The following CSMD3 variants were observed in gnomAD, a reference collection of about 807,000 sequenced individuals.
The protein encoded by CSMD3 is CUB and Sushi multiple domains 3, also known as CUB and sushi domain-containing protein 3.
In CSMD3, 177 loss-of-function variants were observed where a neutral mutation model predicts 435.2. The observed-to-expected ratio is 0.41, with a 90% confidence interval of 0.36 to 0.46. The LOEUF (loss-of-function observed/expected upper bound fraction) is 0.46, where lower values mean the gene tolerates loss of function less well. CSMD3 is among the 20% of genes least tolerant of loss of function. The pLI is 0.34. For synonymous variants in CSMD3, 1,656 were observed against 1,520.5 expected, an observed-to-expected ratio of 1.09 and a Z score of -2.07; for missense variants, 4,265 against 4,504.6, an observed-to-expected ratio of 0.95 and a Z score of 1.52.
rs1325132770 is a variant in CSMD3, at chr8:113,112,448, T to C, written c.710-13485A>G. ...ATATATATATATATATATATATATA[T>C]GTATATACACACACACACACACACG... On this transcript the variant is annotated intron_variant, in intron 4 of 70. Coordinates refer to ENST00000297405, the MANE Select transcript of CSMD3 (RefSeq NM_198123.2). Among the ~76,000 whole-genome samples, 32 of 18,156 alleles carry C rather than the reference T, an allele frequency of 1.8e-3. 2 individuals carry two copies. Among genetic ancestry groups the C allele is most frequent in the African/African-American group, 7.7e-3 (28 of 3,660 alleles). 11.9% of individuals were successfully genotyped at this position (18,156 alleles called of 152,430 possible). A position where few individuals can be genotyped will look rare whatever the true frequency, so the allele number is the denominator to read the frequency against.
Position 113,089,049 on chromosome 8 carries a change from T to A in CSMD3, c.917+9707A>T, listed in dbSNP as rs183969159. ...TTTTTTTCGTGTTCTTTCTTTTTTT[T>A]CTTTTGGAGATAGGGTCTTGCTATG... On this transcript the variant is annotated intron_variant, in intron 5 of 70. Transcript: ENST00000297405. Among the ~76,000 whole-genome samples the A allele has an allele frequency of 6.2e-3, 941 of 152,244 alleles. 32 individuals are homozygous for A. Among genetic ancestry groups the A allele is most frequent in the Admixed American group, 0.051 (777 of 15,286 alleles).
intron 10 of CSMD3, among the ~76,000 whole-genome samples, chr8:112,885,380 AC>A (rs1338559909): frequency 6.6e-6 from 1 of 151,116 alleles, no homozygotes; most frequent in Non-Finnish European, 1.5e-5. Context: ...ATATATATAT[AC>A]ATATATATAT....
At chr8:113,139,733 C>T (rs900458623) in intron 4 of CSMD3, among the ~76,000 whole-genome samples, 1 of 151,092 alleles carries the variant, frequency 6.6e-6, no homozygotes, top group African/African-American at 2.4e-5. Flanking sequence ...TATAAAAGCT[C>T]TAAATACACC....
At chr8:113,146,646 C>A (rs1366524577) in intron 4 of CSMD3, among the ~76,000 whole-genome samples, 1 of 151,566 alleles carries the variant, frequency 6.6e-6, no homozygotes, top group Non-Finnish European at 1.5e-5. Flanking sequence ...CCAGAATGAA[C>A]AAATTTGAGT....
rs74831075 is a variant in CSMD3 at position 112,361,948 on chromosome 8, A to T, written c.6137-9414T>A. Among the ~76,000 whole-genome samples, 3 of 151,960 alleles carry T rather than the reference A, an allele frequency of 2.0e-5. No individual in the cohort carries two copies. In the East Asian group the frequency reaches 5.8e-4, roughly 29 times the overall value. ...TTCATCTTTTCTCTAAATTGTGGAT[A>T]CAAGACAACTATTATGTTTATGTTG... is the stretch of plus-strand genomic sequence containing the variant. On this transcript the variant is annotated intron_variant, in intron 38 of 70. Coordinates refer to ENST00000297405, the MANE Select transcript of CSMD3 (RefSeq NM_198123.2).
intron 59 of CSMD3, among the ~76,000 whole-genome samples, chr8:112,266,342 T>C (rs1332527742): frequency 2.6e-5 from 4 of 151,928 alleles, no homozygotes; most frequent in African/African-American, 7.3e-5. Context: ...GGGATGGAAA[T>C]GGGGAGGCCA....
intron 2 of CSMD3, among the ~76,000 whole-genome samples, chr8:113,297,836 T>C (rs2093733952): frequency 6.6e-6 from 1 of 152,112 alleles, no homozygotes; most frequent in South Asian, 2.1e-4. Flanking sequence ...TTCAAAGTCA[T>C]TGTTTTATGT....
intron 13 of CSMD3, among the ~76,000 whole-genome samples, chr8:112,747,992 A>G (rs2077479978): frequency 6.7e-6 from 1 of 148,946 alleles, no homozygotes; most frequent in African/African-American, 2.5e-5. Flanking sequence ...AAAAACAGGC[A>G]TCAGGCCATA....
intron 10 of CSMD3, among the ~76,000 whole-genome samples, chr8:112,920,995 GCGCACACA>G (rs1415844644): frequency 7.3e-5 from 8 of 108,894 alleles, no homozygotes; most frequent in African/African-American, 2.7e-4. Flanking sequence ...ATACGCGCGC[GCGCACACA>G]CACACACACA....
chr8:113,050,387 C>T (rs1298689388), intron 5 of CSMD3, among the ~76,000 whole-genome samples: 1 of 152,120 alleles, frequency 6.6e-6, no homozygotes, highest in East Asian at 1.9e-4. Context: ...GTATTCTACA[C>T]AGAGCACATT....
At chr8:112,686,117 T>C (rs776395090) in intron 14 of CSMD3, among the ~76,000 whole-genome samples, 7 of 152,158 alleles carry the variant, frequency 4.6e-5, no homozygotes, top group Non-Finnish European at 8.8e-5. Context: ...TATGTGGATA[T>C]TAACAGAACA....
intron 22 of CSMD3, among the ~76,000 whole-genome samples, chr8:112,629,194 C>A (rs1201802198): frequency 6.6e-6 from 1 of 151,646 alleles, no homozygotes; most frequent in African/African-American, 2.4e-5. Context: ...TTTCTCACTG[C>A]GATTTTATTA....
intron 3 of CSMD3, among the ~76,000 whole-genome samples, chr8:113,228,179 T>C (rs2093048633): frequency 6.6e-6 from 1 of 151,642 alleles, no homozygotes; most frequent in African/African-American, 2.4e-5. Context: ...AAGGTTTTCC[T>C]GTCTTCTTAA....
In CSMD3 at chr8:113,252,104, A is replaced by G. The variant is rs563065560; in HGVS notation, c.514+26488T>C. On this transcript the variant is annotated intron_variant, in intron 3 of 70. Coordinates refer to ENST00000297405, the MANE Select transcript of CSMD3 (RefSeq NM_198123.2). The stretch of plus-strand genomic sequence containing the variant: ...AAAAATTTCCTTAAAAAATCTGTTC[A>G]TCTTTCTAGAGAATACTCCTGATTT... Among the ~76,000 whole-genome samples, 213 of 152,206 alleles carry G rather than the reference A, an allele frequency of 1.4e-3. 1 individual carries two copies. The highest frequency in any genetic ancestry group is 4.9e-3 in the African/African-American group (204 of 41,568).
intron 58 of CSMD3, among the ~76,000 whole-genome samples, chr8:112,284,977 C>A (rs1302414915): frequency 6.6e-6 from 1 of 151,746 alleles, no homozygotes; most frequent in Admixed American, 6.6e-5. Flanking sequence ...ATTAGTAGTT[C>A]TGTTGAATTT....
At chr8:113,087,125 T>C (rs1412522482) in intron 5 of CSMD3, among the ~76,000 whole-genome samples, 1 of 152,198 alleles carries the variant, frequency 6.6e-6, no homozygotes, top group Non-Finnish European at 1.5e-5. Context: ...TTGATCTCAC[T>C]CATGTTTCAT....
Position 112,241,708 on chromosome 8 carries a change from G to C in CSMD3, c.10468+12C>G, listed in dbSNP as rs754044748. The C allele has an allele frequency of 1.3e-6, 2 of 1,594,798 alleles. No individual in the cohort carries two copies. Among genetic ancestry groups the C allele is most frequent in the Middle Eastern group, 1.7e-4 (1 of 6,042 alleles). Reference sequence around the variant, plus strand: ...AATAATGAACTCTAGAAAAACAAATGACATTACTAACCACTTAGCTTTGGG... The same window carrying C: ...AATAATGAACTCTAGAAAAACAAATCACATTACTAACCACTTAGCTTTGGG... On this transcript the variant is annotated intron_variant, in intron 66 of 70. Transcript: ENST00000297405.
At chr8:112,766,991 A>G (rs1346068220) in intron 13 of CSMD3, among the ~76,000 whole-genome samples, 1 of 151,876 alleles carries the variant, frequency 6.6e-6, no homozygotes, top group Non-Finnish European at 1.5e-5. Context: ...AGGGAACTCA[A>G]CAATAACTGA....
rs377594616 is a variant in CSMD3, at chr8:112,593,538, C to G, written c.3716-6303G>C. Among the ~76,000 whole-genome samples, 33 of 152,168 alleles carry G rather than the reference C, an allele frequency of 2.2e-4. 1 individual carries two copies. The South Asian group carries it at 6.7e-3, about 31-fold the overall frequency. ...CTGTTGGACGTCAAGTAAAGTACTC[C>G]AAGCAGCTAGACATATTTGTACCCA... On this transcript the variant is annotated intron_variant, in intron 22 of 70. Coordinates refer to ENST00000297405, the MANE Select transcript of CSMD3 (RefSeq NM_198123.2).
Sources: gnomAD v4.1 joint callset for allele counts (sites outside exome capture counted in the v4.1 genomes callset) on GRCh38, gnomAD v4.1.1 for gene constraint, MANE v1.5 for transcripts, NCBI Gene and HGNC (gene_info 2026-07-23, HGNC 2026-07-21) for gene names.